The following TNKS2 variants were observed in gnomAD, a reference collection of about 807,000 sequenced individuals.
TNKS2 encodes the protein tankyrase 2, also known as poly [ADP-ribose] polymerase tankyrase-2.
Under a neutral mutation model 137.6 loss-of-function variants are expected in TNKS2, and 72 were observed. The observed-to-expected ratio is 0.52, with a 90% confidence interval of 0.43 to 0.64. TNKS2 has a LOEUF of 0.64. Ranked by LOEUF, TNKS2 falls within the 30% of genes least tolerant of loss-of-function variation. The pLI, the probability that TNKS2 is intolerant of heterozygous loss-of-function variation, is 0.00. For missense variants in TNKS2, 1,049 were observed against 1,410.2 expected (o/e 0.74, Z 4.10); for synonymous variants, 516 against 512.1 (o/e 1.01, Z -0.10).
chr10:91,863,527 C>T lies in TNKS2; in HGVS notation c.*528C>T, dbSNP rs1453383899. 1.3e-5 allele frequency: 2 copies of T among 152,514 alleles called. No homozygotes were observed. Among genetic ancestry groups the T allele is most frequent in the Admixed American group, 6.6e-5 (1 of 15,262 alleles). The allele number at this position is 152,514 out of a possible 1,614,324, so 9.4% of individuals were successfully genotyped here. ...TGTTCATCTATACTTCATCTTACAT[C>T]GTCATGATTGAGTGATCTTTACATT... is the stretch of plus-strand genomic sequence containing the variant. On this transcript the variant is annotated 3_prime_UTR_variant, in exon 27 of 27. Coordinates refer to ENST00000371627, the MANE Select transcript of TNKS2 (RefSeq NM_025235.4).
chr10:91,843,937 G>A (rs952490791), intron 16 of TNKS2, among the ~76,000 whole-genome samples: 4 of 152,176 alleles, frequency 2.6e-5, no homozygotes, highest in African/African-American at 9.7e-5. Flanking sequence ...ATTACTCTAT[G>A]TGTCTTTCAA....
chr10:91,820,730 A>T (rs1056135008), intron 6 of TNKS2, among the ~76,000 whole-genome samples: 10 of 152,362 alleles, frequency 6.6e-5, no homozygotes, highest in African/African-American at 2.2e-4. Context: ...AGAGGAGACT[A>T]GAAGCAAAAG....
Position 91,828,291 on chromosome 10 carries a change from T to G in TNKS2, c.989T>G (p.Phe330Cys), listed in dbSNP as rs778058509. The G allele has an allele frequency of 1.6e-5, 26 of 1,578,380 alleles. No homozygotes were observed. The highest frequency in any genetic ancestry group is 2.2e-5 in the Non-Finnish European group (26 of 1,165,744). ...PQLKERLAYE[F>C]KGHSLLQAAR... Reference sequence around the variant, plus strand: ...ATGCTTTTTCTTCATCTAGATGAATTTAAAGGCCACTCGTTGCTGCAAGCT... The same window carrying G: ...ATGCTTTTTCTTCATCTAGATGAATGTAAAGGCCACTCGTTGCTGCAAGCT... The change falls in exon 9 of 27, where the codon TTT becomes TGT. Residue 330 changes from phenylalanine to cysteine, a missense_variant. Coordinates refer to ENST00000371627, the MANE Select transcript of TNKS2 (RefSeq NM_025235.4).
intron 25 of TNKS2, among the ~76,000 whole-genome samples, chr10:91,860,765 C>A (rs969869131): frequency 6.6e-6 from 1 of 152,146 alleles, no homozygotes; most frequent in East Asian, 1.9e-4. Context: ...TGTTACCCCT[C>A]TAAATTTAGG....
Position 91,827,074 on chromosome 10 carries a change from G to A in TNKS2, c.853G>A (p.Ala285Thr), listed in dbSNP as rs745589562. 2.5e-6 allele frequency: 4 copies of A among 1,607,524 alleles called. No homozygotes were observed. The Admixed American group carries it at 5.1e-5, about 21-fold the overall frequency. Residue 285 changes from alanine to threonine, a missense_variant, in exon 8 of 27, where the codon GCT (alanine) becomes ACT (threonine). Physicochemically the swap from Ala to Thr is moderately conservative, Grantham distance 58. This residue lies in a region of TNKS2 where 374 missense variants were observed against 460.8 expected (regional missense o/e 0.81). Transcript: ENST00000371627. The part of the protein sequence containing the change: ...LWQFTPLHEA[A>T]SKNRVEVCSL... ...GCAATTCACTCCTCTTCATGAGGCA[G>A]CTTCTAAGAACAGGGTTGAAGTATG... is the stretch of plus-strand genomic sequence containing the variant.
intron 3 of TNKS2, among the ~76,000 whole-genome samples, chr10:91,819,057 CTTTT>C (rs901236615): frequency 1.3e-5 from 2 of 150,954 alleles, no homozygotes; most frequent in South Asian, 2.1e-4. Context: ...AAAATAGAAT[CTTTT>C]TTTTTAATCC....
At chr10:91,858,744 C>T (rs992229725) in intron 24 of TNKS2, among the ~76,000 whole-genome samples, 2 of 152,208 alleles carry the variant, frequency 1.3e-5, no homozygotes, top group Non-Finnish European at 2.9e-5. Context: ...TGCGGTGGCT[C>T]ACGCCTGTAA....
chr10:91,802,326 C>T (rs1261802554), intron 1 of TNKS2, among the ~76,000 whole-genome samples: 3 of 152,176 alleles, frequency 2.0e-5, no homozygotes, highest in Non-Finnish European at 4.4e-5. Flanking sequence ...TGAAAGAAGA[C>T]TATACCATGT....
rs1842905516 is a variant in TNKS2, at chr10:91,863,477, GT to G, written c.*481del. The stretch of plus-strand genomic sequence containing the variant: ...ATAAATCTGTTTTAGAACTGCAGCG[GT>G]TTACAAAATTTTTTCATATGTATTG... On this transcript the variant is annotated 3_prime_UTR_variant, in exon 27 of 27. Coordinates refer to ENST00000371627, the MANE Select transcript of TNKS2 (RefSeq NM_025235.4). 6.6e-6 allele frequency: 1 copy of G among 152,560 alleles called. No homozygotes were observed. Among genetic ancestry groups the G allele is most frequent in the Non-Finnish European group, 1.5e-5 (1 of 68,030 alleles). 9.5% of individuals were successfully genotyped at this position (152,560 alleles called of 1,614,324 possible). A position where few individuals can be genotyped will look rare whatever the true frequency, so the allele number is the denominator to read the frequency against.
intron 21 of TNKS2, 74 bp from the exon 22 acceptor site, chr10:91,854,955 G>T: frequency 1.3e-6 from 1 of 747,212 alleles, no homozygotes; most frequent in Non-Finnish European, 2.2e-6. Flanking sequence ...AGAAAAATTA[G>T]GTGGTTATTT....
intron 7 of TNKS2, among the ~76,000 whole-genome samples, chr10:91,825,591 A>G (rs547320321): frequency 6.6e-6 from 1 of 152,334 alleles, no homozygotes; most frequent in South Asian, 2.1e-4. Context: ...TAACAACAGA[A>G]GTTCTCTAGT....
intron 24 of TNKS2, among the ~76,000 whole-genome samples, chr10:91,859,131 G>T (rs1280921550): frequency 6.7e-6 from 1 of 149,868 alleles, no homozygotes; most frequent in East Asian, 1.9e-4. Context: ...TATCTAAAGT[G>T]AATTATGAGC....
chr10:91,808,348 T>C (rs1463906915), intron 1 of TNKS2, among the ~76,000 whole-genome samples: 1 of 151,798 alleles, frequency 6.6e-6, no homozygotes, highest in South Asian at 2.1e-4. Context: ...GAAAGTATAT[T>C]ATAGTTGGGA....
chr10:91,848,316 T>C, intron 18 of TNKS2, 67 bp from the exon 19 acceptor site: 1 of 1,483,644 alleles, frequency 6.7e-7, no homozygotes, highest in East Asian at 2.4e-5. Context: ...TTTAAATATA[T>C]TTTATTAGGT....
At chr10:91,838,479 C>T (rs1842103094) in intron 13 of TNKS2, among the ~76,000 whole-genome samples, 1 of 152,210 alleles carries the variant, frequency 6.6e-6, no homozygotes, top group Non-Finnish European at 1.5e-5. Context: ...TGATAATCCA[C>T]CAGGCTGGAT....
At chr10:91,827,278 T>G (rs1845099189) in intron 8 of TNKS2, 75 bp downstream of exon 8, 1 of 1,160,306 alleles carries the variant, frequency 8.6e-7, no homozygotes, top group South Asian at 3.2e-5. Flanking sequence ...CCTGTTTGTT[T>G]TTAGAAATGT....
At chr10:91,823,737 C>T (rs952051024) in intron 7 of TNKS2, among the ~76,000 whole-genome samples, 1 of 152,086 alleles carries the variant, frequency 6.6e-6, no homozygotes, top group African/African-American at 2.4e-5. Context: ...TACCCTGCAC[C>T]CATTCTACTC....
intron 2 of TNKS2, among the ~76,000 whole-genome samples, chr10:91,814,351 T>A (rs1444387772): frequency 6.6e-6 from 1 of 152,228 alleles, no homozygotes; most frequent in Non-Finnish European, 1.5e-5. Flanking sequence ...TGTTTTAAGC[T>A]GTTATTACAA....
intron 23 of TNKS2, among the ~76,000 whole-genome samples, chr10:91,856,210 T>C (rs981831160): frequency 7.2e-5 from 11 of 152,228 alleles, no homozygotes; most frequent in Admixed American, 3.3e-4. Flanking sequence ...TTTCAGTTAC[T>C]CTTCTTAGGA....
Sources: allele counts gnomAD v4.1 joint callset (sites outside exome capture counted in the v4.1 genomes callset), GRCh38; gene constraint gnomAD v4.1.1; regional missense constraint gnomAD v4.1.1; transcripts MANE v1.5; gene names NCBI Gene and HGNC (gene_info 2026-07-23, HGNC 2026-07-21).